HTT: variants seen among roughly 807,000 people sequenced by gnomAD.
HTT encodes huntington disease protein.
A neutral mutation model predicts 362.3 loss-of-function variants in HTT; 104 were observed. The ratio of observed to expected loss-of-function variants is 0.29; its 90% CI spans 0.24 to 0.34. HTT has a LOEUF of 0.34. HTT is among the 10% of genes least tolerant of loss of function. HTT has a pLI of 1.00. For missense variants in HTT, 3,301 were observed against 3,928.6 expected, an observed-to-expected ratio of 0.84 and a Z score of 4.27; for synonymous variants, 1,577 against 1,548.7, an observed-to-expected ratio of 1.02 and a Z score of -0.43.
At chr4:3,210,082 G>C in intron 47 of HTT, 133 bp downstream of exon 47, 3 of 1,131,710 alleles carry the variant, frequency 2.7e-6, no homozygotes. Context: ...GGGACGGGAT[G>C]TCGGAGAGAC....
intron 51 of HTT, among the ~76,000 whole-genome samples, chr4:3,217,528 G>T (rs1452459105): frequency 1.3e-5 from 2 of 151,996 alleles, no homozygotes; most frequent in Non-Finnish European, 2.9e-5. Flanking sequence ...CAGAGGGCTG[G>T]GAACCAAGGC....
intron 40 of HTT, among the ~76,000 whole-genome samples, chr4:3,194,889 A>G (rs924029585): frequency 5.3e-5 from 8 of 152,166 alleles, no homozygotes; most frequent in Non-Finnish European, 1.0e-4. Context: ...TAACAATTAT[A>G]ATGCTGGGAG....
intron 7 of HTT, 67 bp downstream of exon 7, chr4:3,115,512 A>G: frequency 1.6e-6 from 2 of 1,286,090 alleles, no homozygotes; most frequent in Non-Finnish European, 2.2e-6. Flanking sequence ...TGAAATAAAT[A>G]AAACCAGATG....
intron 2 of HTT, among the ~76,000 whole-genome samples, chr4:3,094,629 G>GC (rs1396439846): frequency 7.1e-6 from 1 of 140,194 alleles, no homozygotes; most frequent in Non-Finnish European, 1.6e-5. Context: ...GGCGGGGGCT[G>GC]CCCCCCACCT....
At chr4:3,177,068 G>T (rs1170987373) in intron 33 of HTT, among the ~76,000 whole-genome samples, 1 of 152,142 alleles carries the variant, frequency 6.6e-6, no homozygotes, top group African/African-American at 2.4e-5. Flanking sequence ...TGTAATTTTG[G>T]GTATTGTCTG....
At chr4:3,149,248 A>T (rs1178069534) in intron 26 of HTT, among the ~76,000 whole-genome samples, 1 of 151,698 alleles carries the variant, frequency 6.6e-6, no homozygotes, top group East Asian at 1.9e-4. Flanking sequence ...TTCAAAACAA[A>T]TGTTAACTAT....
chr4:3,135,322 C>CAA (rs11311818), intron 19 of HTT, among the ~76,000 whole-genome samples: 1 of 135,278 alleles, frequency 7.4e-6, no homozygotes, highest in African/African-American at 2.7e-5. Flanking sequence ...GACTTGGCCT[C>CAA]AAAAAAAAAA....
chr4:3,116,617 T>C (rs1715041254), intron 8 of HTT, among the ~76,000 whole-genome samples: 1 of 152,212 alleles, frequency 6.6e-6, no homozygotes, highest in Non-Finnish European at 1.5e-5. Context: ...GGGTATACAA[T>C]GGTGAGTATT....
intron 2 of HTT, among the ~76,000 whole-genome samples, chr4:3,094,621 C>T (rs1421673401): frequency 2.0e-3 from 271 of 138,312 alleles, no homozygotes; most frequent in Non-Finnish European, 2.9e-3. Context: ...GCTGGCCGGG[C>T]GGGGGCTGCC....
At chr4:3,154,553 G>C (rs1717053294) in intron 27 of HTT, 134 bp downstream of exon 27, 2 of 1,247,242 alleles carry the variant, frequency 1.6e-6, no homozygotes, top group Non-Finnish European at 2.2e-6. Flanking sequence ...GTTTCTCCAG[G>C]TGCGGTTCAA....
chr4:3,211,577 A>G (rs1334339427), intron 47 of HTT, among the ~76,000 whole-genome samples: 2 of 152,240 alleles, frequency 1.3e-5, no homozygotes, highest in East Asian at 1.9e-4. Context: ...TGGTTGGTGT[A>G]TCACTGAGGT....
chr4:3,232,506 T>C (rs879897316), intron 60 of HTT, among the ~76,000 whole-genome samples: 4 of 152,178 alleles, frequency 2.6e-5, no homozygotes, highest in African/African-American at 4.8e-5. Context: ...CCTGCTAGGT[T>C]TTGGATACTA....
intron 1 of HTT, among the ~76,000 whole-genome samples, chr4:3,075,368 G>T (rs1712464841): frequency 6.6e-6 from 1 of 152,244 alleles, no homozygotes; most frequent in Non-Finnish European, 1.5e-5. Flanking sequence ...GGGGAGTCAC[G>T]GCCTCAGCCC....
chr4:3,160,723 G>T (rs936158054), intron 29 of HTT, among the ~76,000 whole-genome samples: 51 of 152,182 alleles, frequency 3.4e-4, no homozygotes, highest in African/African-American at 1.2e-3. Flanking sequence ...CAAAACAGAC[G>T]GGTAAGGGGG....
At chr4:3,211,469 A>G (rs1720156788) in intron 47 of HTT, among the ~76,000 whole-genome samples, 2 of 152,364 alleles carry the variant, frequency 1.3e-5, no homozygotes, top group South Asian at 4.1e-4. Flanking sequence ...ATCCAAATTG[A>G]CATAAGAAAT....
In HTT at chr4:3,157,062, A is replaced by G. The variant is rs1717186168; in HGVS notation, c.3626-10A>G. ...CTAAAAGTTTATCTTTTGTGTGCATATTTTTAAAGCTTCTAGACAATCTGA... is the reference window on the plus strand; with the variant it reads ...CTAAAAGTTTATCTTTTGTGTGCATGTTTTTAAAGCTTCTAGACAATCTGA... On this transcript the variant is annotated splice_polypyrimidine_tract_variant and intron_variant, in intron 27 of 66. Coordinates refer to ENST00000355072, the MANE Select transcript of HTT (RefSeq NM_001388492.1). 3 of 1,582,658 alleles carry G rather than the reference A, an allele frequency of 1.9e-6. No homozygotes were observed. The highest frequency in any genetic ancestry group is 2.6e-6 in the Non-Finnish European group (3 of 1,169,586).
At position 3,160,366 on chromosome 4, in the gene HTT, C is replaced by T. The variant is rs890809954; in HGVS notation, c.3838C>T (p.Leu1280=). 1.9e-6 allele frequency: 3 copies of T among 1,553,676 alleles called. No individual in the cohort carries two copies. The African/African-American group carries it at 4.1e-5, about 21-fold the overall frequency. Residue 1280 remains leucine, a synonymous_variant, in exon 29 of 67, where the codon CTG becomes TTG. Coordinates refer to ENST00000355072, the MANE Select transcript of HTT (RefSeq NM_001388492.1). ...ALDVLSQILE[L]ATLQDIGKCV... is the part of the protein sequence containing the mutation. ...GGATGTTCTTTCTCAGATACTAGAG[C>T]TGGCCACACTGCAGGACATTGGGAA...
intron 26 of HTT, among the ~76,000 whole-genome samples, chr4:3,152,101 AT>A (rs35557405): frequency 1.0e-3 from 146 of 139,378 alleles, no homozygotes; most frequent in Non-Finnish European, 1.1e-3. Flanking sequence ...TAATTTTTTG[AT>A]TTTTTTTTTT....
intron 26 of HTT, among the ~76,000 whole-genome samples, chr4:3,149,891 A>G (rs1021900914): frequency 6.6e-6 from 1 of 151,968 alleles, no homozygotes. Context: ...CTGTTGCCAC[A>G]CTCCATAGCA....
Sources: allele counts gnomAD v4.1 joint callset (sites outside exome capture counted in the v4.1 genomes callset), GRCh38; gene constraint gnomAD v4.1.1; transcripts MANE v1.5; gene names NCBI Gene and HGNC (gene_info 2026-07-23, HGNC 2026-07-21).